The following RICTOR variants were observed in gnomAD, a reference collection of about 807,000 sequenced individuals.
RICTOR encodes rapamycin-insensitive companion of mTOR.
A neutral mutation model predicts 214.9 loss-of-function variants in RICTOR; 49 were observed. The observed-to-expected ratio is 0.23, with a 90% CI of 0.18 to 0.29. RICTOR has a LOEUF of 0.29. RICTOR is among the 10% of genes least tolerant of loss of function. The probability of loss-of-function intolerance (pLI) is 1.00; values close to 1 mark genes in which losing one functional copy is unlikely to be tolerated. For synonymous variants in RICTOR, 717 were observed against 711.3 expected (o/e 1.01, Z -0.13); for missense variants, 1,625 against 2,047.0 (o/e 0.79, Z 3.98).
intron 3 of RICTOR, among the ~76,000 whole-genome samples, chr5:39,011,241 T>G (rs544083455): frequency 1.3e-5 from 2 of 152,306 alleles, no homozygotes; most frequent in Admixed American, 1.3e-4. Context: ...CCTTGGCAAT[T>G]TACACATGGT....
chr5:38,939,852 C>T lies in RICTOR; in HGVS notation c.*2452G>A. On this transcript the variant is annotated 3_prime_UTR_variant, in exon 38 of 38. Transcript: ENST00000357387. ...TTACTGCTGATATCATTCCTAACCT[C>T]TTCTGCTATAATTTAATATTTTTAA... The T allele has an allele frequency of 4.5e-6, 1 of 224,162 alleles. No individual in the cohort carries two copies. The highest frequency in any genetic ancestry group is 8.9e-6 in the Non-Finnish European group (1 of 112,310). 13.9% of individuals were successfully genotyped at this position (224,162 alleles called of 1,614,324 possible). A position where few individuals can be genotyped will look rare whatever the true frequency, so the allele number is the denominator to read the frequency against.
intron 2 of RICTOR, among the ~76,000 whole-genome samples, chr5:39,054,611 G>A (rs1304165364): frequency 6.6e-6 from 1 of 152,138 alleles, no homozygotes; most frequent in East Asian, 1.9e-4. Flanking sequence ...AGTCCCTTCT[G>A]GGCCTCTTGA....
chr5:39,008,111 T>C (rs1329767248), intron 3 of RICTOR, among the ~76,000 whole-genome samples: 2 of 151,840 alleles, frequency 1.3e-5, no homozygotes, highest in African/African-American at 4.8e-5. Context: ...TATACAATCA[T>C]AAGAAAAATA....
In RICTOR at chr5:38,942,285, A is replaced by G. The variant is rs375174096; in HGVS notation, c.*19T>C. On this transcript the variant is annotated 3_prime_UTR_variant, in exon 38 of 38. Coordinates refer to ENST00000357387, the MANE Select transcript of RICTOR (RefSeq NM_152756.5). ...ATGAATATATATAGTATGTATCTAT[A>G]TCCATCATAAATATGAGGTCAGGAT... The G allele has an allele frequency of 1.5e-5, 22 of 1,469,216 alleles. No homozygotes were observed. The highest frequency in any genetic ancestry group is 2.1e-5 in the Non-Finnish European group (22 of 1,055,304). 91.0% of individuals were successfully genotyped at this position (1,469,216 alleles called of 1,614,324 possible). A position where few individuals can be genotyped will look rare whatever the true frequency, so the allele number is the denominator to read the frequency against.
At chr5:39,046,439 C>CTTTT (rs33965533) in intron 2 of RICTOR, among the ~76,000 whole-genome samples, 1 of 138,836 alleles carries the variant, frequency 7.2e-6, no homozygotes, top group African/African-American at 2.6e-5. Flanking sequence ...TGAAATATTA[C>CTTTT]TTTTTTTTTT....
chr5:39,048,305 T>G (rs764356991), intron 2 of RICTOR, among the ~76,000 whole-genome samples: 3 of 152,218 alleles, frequency 2.0e-5, no homozygotes, highest in Non-Finnish European at 4.4e-5. Context: ...AAGGCCTGCT[T>G]GCAAGGTTGA....
At chr5:39,028,544 C>T (rs1756030714) in intron 2 of RICTOR, among the ~76,000 whole-genome samples, 1 of 152,084 alleles carries the variant, frequency 6.6e-6, no homozygotes, top group African/African-American at 2.4e-5. Flanking sequence ...GAACTGTTGG[C>T]AACATACATC....
chr5:39,032,513 C>T (rs1756347624), intron 2 of RICTOR, among the ~76,000 whole-genome samples: 1 of 152,116 alleles, frequency 6.6e-6, no homozygotes, highest in Non-Finnish European at 1.5e-5. Flanking sequence ...GCCTGGAAGT[C>T]ATCACATCAT....
chr5:39,049,634 C>CA lies in RICTOR; in HGVS notation c.97+24476dup, dbSNP rs1159136565. 3.6e-3 allele frequency among the ~76,000 whole-genome samples: 192 copies of CA among 53,374 alleles called. 1 individual carries two copies. The highest frequency in any genetic ancestry group is 0.032 in the East Asian group (56 of 1,746). 35.0% of individuals were successfully genotyped at this position (53,374 alleles called of 152,430 possible). ...TAAAAAGAACACTAAAGAGAACATT[C>CA]AAAAAAAAAAAAAAGTTATCAAAAA... On this transcript the variant is annotated intron_variant, in intron 2 of 37. Transcript: ENST00000357387.
intron 3 of RICTOR, among the ~76,000 whole-genome samples, chr5:39,008,373 T>C (rs1211319654): frequency 6.6e-6 from 1 of 152,118 alleles, no homozygotes; most frequent in African/African-American, 2.4e-5. Context: ...TTCTCAACCC[T>C]GGTAGTACTT....
At chr5:39,028,367 A>G (rs530929967) in intron 2 of RICTOR, among the ~76,000 whole-genome samples, 38 of 151,652 alleles carry the variant, frequency 2.5e-4, no homozygotes, top group Admixed American at 1.8e-3. Flanking sequence ...TATTTTTAGT[A>G]GAGACGGGGT....
At chr5:39,003,248 T>TA (rs539815259) in intron 4 of RICTOR, among the ~76,000 whole-genome samples, 1 of 152,186 alleles carries the variant, frequency 6.6e-6, no homozygotes, top group Non-Finnish European at 1.5e-5. Flanking sequence ...CCTAGAGTTA[T>TA]AGTTGTTCCT....
In RICTOR at chr5:39,040,373, C is replaced by T. The variant is rs1000169585; in HGVS notation, c.98-19237G>A. Among the ~76,000 whole-genome samples the T allele has an allele frequency of 5.9e-5, 9 of 151,502 alleles. No individual in the cohort carries two copies. In the East Asian group the frequency reaches 1.4e-3, roughly 23 times the overall value. Reference sequence around the variant, plus strand: ...AGGAGATATACCTAATGTTAAATGACGAGTTAATGGTGCAGCACACCAAGA... The same window carrying T: ...AGGAGATATACCTAATGTTAAATGATGAGTTAATGGTGCAGCACACCAAGA... On this transcript the variant is annotated intron_variant, in intron 2 of 37. Coordinates refer to ENST00000357387, the MANE Select transcript of RICTOR (RefSeq NM_152756.5).
In RICTOR at chr5:39,064,730, G is replaced by T. The variant is rs1758780419; in HGVS notation, c.97+9381C>A. Among the ~76,000 whole-genome samples the T allele has an allele frequency of 2.6e-5, 4 of 152,294 alleles. No individual in the cohort carries two copies. In the South Asian group the frequency reaches 8.3e-4, roughly 32 times the overall value. On this transcript the variant is annotated intron_variant, in intron 2 of 37. Coordinates refer to ENST00000357387, the MANE Select transcript of RICTOR (RefSeq NM_152756.5). ...CTGTAATTTAAATTTAAAGTGCTAT[G>T]AAATACCACCACTCCTACATGTATT...
intron 7 of RICTOR, among the ~76,000 whole-genome samples, chr5:38,990,740 T>TATCTGATATATATAAG: frequency 1.0e-5 from 1 of 99,962 alleles, no homozygotes; most frequent in Non-Finnish European, 2.1e-5. Context: ...ATATATGATA[T>TATCTGATATATATAAG]ATATGAGATA....
chr5:39,016,556 A>C (rs1230539017), intron 3 of RICTOR, among the ~76,000 whole-genome samples: 2 of 152,176 alleles, frequency 1.3e-5, no homozygotes, highest in African/African-American at 4.8e-5. Flanking sequence ...GAAAACAAGG[A>C]AACTGAAGAG....
chr5:38,958,176 G>C (rs1006946868), intron 24 of RICTOR, among the ~76,000 whole-genome samples: 2 of 151,950 alleles, frequency 1.3e-5, no homozygotes, highest in South Asian at 2.1e-4. Flanking sequence ...GGCAGTGGTT[G>C]CATCGAGCCA....
Position 38,981,819 on chromosome 5 carries a change from C to T in RICTOR, c.753+48G>A, listed in dbSNP as rs761594094. The T allele has an allele frequency of 1.4e-5, 18 of 1,289,088 alleles. No individual in the cohort carries two copies. The South Asian group carries it at 1.6e-4, about 11-fold the overall frequency. The allele number at this position is 1,289,088 out of a possible 1,614,324, so 79.9% of individuals were successfully genotyped here. On this transcript the variant is annotated intron_variant, in intron 8 of 37. Transcript: ENST00000357387. ...TTTAGTATTTCAAAGTAAAAGTATA[C>T]ATTTATAATAATATTTTAAAACTAG...
Position 38,959,267 on chromosome 5 carries a change from A to G in RICTOR, c.2106T>C (p.Val702=). ...KNQDHLLKLT[V]SSLDYSRDGL... Reference sequence around the variant, plus strand: ...CATCTCTGCTATAGTCCAAGCTAGAAACAGTAAGTTTTAGCAAGTGATCTT... The same window carrying G: ...CATCTCTGCTATAGTCCAAGCTAGAGACAGTAAGTTTTAGCAAGTGATCTT... Residue 702 remains valine (V), a synonymous_variant, in exon 22 of 38, where the codon GTT becomes GTC. Coordinates refer to ENST00000357387, the MANE Select transcript of RICTOR (RefSeq NM_152756.5). The G allele has an allele frequency of 6.2e-7, 1 of 1,600,350 alleles. No individual in the cohort carries two copies. Among genetic ancestry groups the G allele is most frequent in the Non-Finnish European group, 8.5e-7 (1 of 1,172,206 alleles).
Sources: gnomAD v4.1 joint callset for allele counts (sites outside exome capture counted in the v4.1 genomes callset) on GRCh38, gnomAD v4.1.1 for gene constraint, MANE v1.5 for transcripts, NCBI Gene and HGNC (gene_info 2026-07-23, HGNC 2026-07-21) for gene names.